The following EVC2 variants were observed in gnomAD, a reference collection of about 807,000 sequenced individuals.
EVC2 encodes the protein limbin.
A neutral mutation model predicts 149.3 loss-of-function variants in EVC2; 148 were observed. That is an observed-to-expected ratio of 0.99 (90% confidence interval 0.87 to 1.14). The LOEUF (loss-of-function observed/expected upper bound fraction) is 1.14, where lower values mean the gene tolerates loss of function less well. Among genes scored for constraint, EVC2 ranks in the 50% most tolerant of loss-of-function variants. EVC2 has a pLI of 0.00. For synonymous variants in EVC2, 776 were observed against 649.9 expected (o/e 1.19, Z -2.95); for missense variants, 1,854 against 1,627.3 (o/e 1.14, Z -2.40).
In EVC2 at chr4:5,708,537, A is replaced by C; in HGVS notation, c.-24T>G. The C allele has an allele frequency of 4.3e-6, 6 of 1,405,776 alleles. No individual in the cohort carries two copies. The highest frequency in any genetic ancestry group is 5.5e-6 in the Non-Finnish European group (6 of 1,081,840). The allele number at this position is 1,405,776 out of a possible 1,614,324, so 87.1% of individuals were successfully genotyped here. On this transcript the variant is annotated 5_prime_UTR_variant, in exon 1 of 22. Transcript: ENST00000344408. ...ATCGCCTGTCGGGACCCGCTACCTC[A>C]AAGCGGCGGGTGCCGCCGAGTCGCT... is the stretch of plus-strand genomic sequence containing the variant.
chr4:5,684,071 CT>C (rs1365201612), intron 6 of EVC2, among the ~76,000 whole-genome samples: 1 of 152,172 alleles, frequency 6.6e-6, no homozygotes, highest in African/African-American at 2.4e-5. Flanking sequence ...CTTATCATTA[CT>C]TTACCTTATC....
chr4:5,668,206 G>GT (rs1719398000), intron 7 of EVC2, among the ~76,000 whole-genome samples: 1 of 152,202 alleles, frequency 6.6e-6, no homozygotes, highest in East Asian at 1.9e-4. Context: ...AGTGCAGATT[G>GT]TAGTCAAGGT....
At chr4:5,675,226 T>A (rs2151717966) in intron 7 of EVC2, among the ~76,000 whole-genome samples, 1 of 152,372 alleles carries the variant, frequency 6.6e-6, no homozygotes, top group Admixed American at 6.5e-5. Context: ...GTGCTGTTTT[T>A]AAAGTTTGCA....
chr4:5,571,089 G>A lies in EVC2; in HGVS notation c.3361-2449C>T, dbSNP rs1051463173. 1.2e-4 allele frequency among the ~76,000 whole-genome samples: 18 copies of A among 152,244 alleles called. No individual in the cohort carries two copies. In the South Asian group the frequency reaches 2.5e-3, roughly 21 times the overall value. On this transcript the variant is annotated intron_variant, in intron 19 of 21. Coordinates refer to ENST00000344408, the MANE Select transcript of EVC2 (RefSeq NM_147127.5). The stretch of plus-strand genomic sequence containing the variant: ...CCAGCACTTTGGGAGGCTGAGGCGG[G>A]TGGACTGCCTGAGGTCAGGAGTTTG...
chr4:5,571,204 G>C (rs1269277719), intron 19 of EVC2, among the ~76,000 whole-genome samples: 3 of 150,674 alleles, frequency 2.0e-5, no homozygotes, highest in African/African-American at 7.3e-5. Context: ...TGTAATCCCA[G>C]CTACTCAGGA....
Position 5,671,301 on chromosome 4 carries a change from T to C in EVC2, c.871-5652A>G, listed in dbSNP as rs112018105. Among the ~76,000 whole-genome samples the C allele has an allele frequency of 7.2e-3, 1,094 of 152,304 alleles. 15 individuals carry two copies. Among genetic ancestry groups the C allele is most frequent in the African/African-American group, 0.025 (1,038 of 41,576 alleles). On this transcript the variant is annotated intron_variant, in intron 7 of 21. Transcript: ENST00000344408. ...TAGGCTGGCCCTTTATCAGGAGCCC[T>C]GCATCGAGCCATCAAGGGTTTGTGC... is the stretch of plus-strand genomic sequence containing the variant.
At chr4:5,628,497 T>G in intron 12 of EVC2, 62 bp downstream of exon 12, 1 of 1,594,024 alleles carries the variant, frequency 6.3e-7, no homozygotes, top group African/African-American at 1.3e-5. Flanking sequence ...TGTGGTATTC[T>G]GTCATAGCAG....
At chr4:5,673,769 TGAA>T (rs1719818580) in intron 7 of EVC2, among the ~76,000 whole-genome samples, 1 of 152,244 alleles carries the variant, frequency 6.6e-6, no homozygotes, top group African/African-American at 2.4e-5. Flanking sequence ...AAAAGCATGA[TGAA>T]GAATTGTTTA....
At chr4:5,537,552 C>T in the EVC2 span, among the ~76,000 whole-genome samples, 1 of 152,064 alleles carries the variant, frequency 6.6e-6, no homozygotes, top group Admixed American at 6.6e-5. Context: ...ATTATAAAAG[C>T]TAAACTCAAA....
At chr4:5,705,891 T>A (rs1722101270) in intron 1 of EVC2, among the ~76,000 whole-genome samples, 1 of 152,046 alleles carries the variant, frequency 6.6e-6, no homozygotes, top group Non-Finnish European at 1.5e-5. Flanking sequence ...GCATTCCCAG[T>A]GGGCATCAAA....
Position 5,679,058 on chromosome 4 carries a change from T to C in EVC2, c.870+2202A>G, listed in dbSNP as rs1720171288. On this transcript the variant is annotated intron_variant, in intron 7 of 21. Transcript: ENST00000344408. This position sits in a 1 kb window ranked among gnomAD's most constrained non-coding sequence, Gnocchi z 5.1. ...AAAAGAAAGAAAGAAAAGAAAAATA[T>C]GTACAAAAGACAAAAAAAAAAATAC... is the stretch of plus-strand genomic sequence containing the variant. Among the ~76,000 whole-genome samples, 3 of 145,480 alleles carry C rather than the reference T, an allele frequency of 2.1e-5. No individual in the cohort carries two copies. Among genetic ancestry groups the C allele is most frequent in the South Asian group, 2.2e-4 (1 of 4,634 alleles).
chr4:5,553,704 A>G (rs1162790103), intron 21 of EVC2, among the ~76,000 whole-genome samples: 1 of 152,244 alleles, frequency 6.6e-6, no homozygotes, highest in Non-Finnish European at 1.5e-5. Flanking sequence ...GGTGAACTCT[A>G]GAATATGTAA....
intron 1 of EVC2, among the ~76,000 whole-genome samples, chr4:5,700,174 T>C (rs1368199234): frequency 6.6e-6 from 1 of 152,102 alleles, no homozygotes; most frequent in Non-Finnish European, 1.5e-5. Context: ...GAAATAATAA[T>C]AGGGGACACT....
chr4:5,675,097 G>A (rs1310824836), intron 7 of EVC2, among the ~76,000 whole-genome samples: 1 of 152,196 alleles, frequency 6.6e-6, no homozygotes, highest in Non-Finnish European at 1.5e-5. Flanking sequence ...ATCATAGATA[G>A]CTACCTATTG....
At chr4:5,619,265 T>C (rs923370990) in intron 14 of EVC2, among the ~76,000 whole-genome samples, 8 of 152,228 alleles carry the variant, frequency 5.3e-5, no homozygotes, top group African/African-American at 1.7e-4. Context: ...TGAATGTTGG[T>C]TTATTTGGAA....
At chr4:5,626,458 G>A (rs377117741) in intron 12 of EVC2, among the ~76,000 whole-genome samples, 4 of 151,046 alleles carry the variant, frequency 2.6e-5, no homozygotes, top group Admixed American at 6.6e-5. Flanking sequence ...CTCAGCCTCC[G>A]GAGTAGTTGG....
chr4:5,549,909 C>G (rs919358233), intron 21 of EVC2, among the ~76,000 whole-genome samples: 3 of 152,108 alleles, frequency 2.0e-5, no homozygotes, highest in Admixed American at 1.3e-4. Context: ...GTGAATAAGT[C>G]TTATGAAATC....
intron 16 of EVC2, among the ~76,000 whole-genome samples, chr4:5,602,901 C>A (rs902326163): frequency 2.6e-5 from 4 of 152,078 alleles, no homozygotes; most frequent in African/African-American, 9.7e-5. Flanking sequence ...GAGGTAAGCA[C>A]CAAAAGACCA....
chr4:5,556,987 T>C (rs907399361), intron 21 of EVC2, among the ~76,000 whole-genome samples: 1 of 152,092 alleles, frequency 6.6e-6, no homozygotes, highest in Non-Finnish European at 1.5e-5. Context: ...ACTGGTGAAT[T>C]TTAGTAAACG....
Sources: gnomAD v4.1 joint callset for allele counts (sites outside exome capture counted in the v4.1 genomes callset) on GRCh38, gnomAD v4.1.1 for gene constraint, Gnocchi (gnomAD v3.1) non-coding constraint, MANE v1.5 for transcripts, NCBI Gene and HGNC (gene_info 2026-07-23, HGNC 2026-07-21) for gene names.